Variants in FGFR1 observed in about 807,000 individuals in gnomAD.
FGFR1 encodes FGFR1/PLAG1 fusion.
A neutral mutation model predicts 93.7 loss-of-function variants in FGFR1; 18 were observed. That is an observed-to-expected ratio of 0.19 (90% CI 0.13 to 0.28). FGFR1 has a LOEUF of 0.28. Among genes scored for constraint, FGFR1 ranks in the 10% least tolerant of loss-of-function variants. The pLI is 1.00. For missense variants in FGFR1, 731 were observed against 1,080.4 expected (o/e 0.68, Z 4.53); for synonymous variants, 448 against 429.3 (o/e 1.04, Z -0.54).
At chr8:38,428,243 T>C in intron 4 of FGFR1, 103 bp downstream of exon 4, 1 of 1,458,632 alleles carries the variant, frequency 6.9e-7, no homozygotes, top group South Asian at 1.1e-5. Context: ...ACAGGCACCG[T>C]GACCCCATGT....
In FGFR1 at chr8:38,412,260, G is replaced by A. The variant is rs2150483679; in HGVS notation, c.*1368C>T. ...AGATGGGGTTTCACTAAGTTGGCCA[G>A]GCTGGTCTCAAACTCCTGACCTGAA... On this transcript the variant is annotated 3_prime_UTR_variant, in exon 18 of 18. Transcript: ENST00000447712. 1 of 218,778 alleles carries A rather than the reference G, an allele frequency of 4.6e-6. No individual in the cohort carries two copies. The highest frequency in any genetic ancestry group is 6.7e-5 in the East Asian group (1 of 14,960). The allele number at this position is 218,778 out of a possible 1,614,324, so 13.6% of individuals were successfully genotyped here.
intron 2 of FGFR1, among the ~76,000 whole-genome samples, chr8:38,438,415 C>T (rs930046035): frequency 3.3e-5 from 5 of 151,812 alleles, no homozygotes; most frequent in Admixed American, 2.0e-4. Flanking sequence ...TGGTGATGCA[C>T]GCCTGTAATC....
chr8:38,436,043 G>A (rs1825288459), intron 2 of FGFR1, among the ~76,000 whole-genome samples: 1 of 152,168 alleles, frequency 6.6e-6, no homozygotes, highest in South Asian at 2.1e-4. Flanking sequence ...AAAAAGACTG[G>A]CTGTTCACTA....
chr8:38,420,067 G>A (rs1818160200), intron 8 of FGFR1: 1 of 363,438 alleles, frequency 2.8e-6, no homozygotes, highest in Non-Finnish European at 5.2e-6. Context: ...AGGGCCAGCT[G>A]AGAAGTCACT....
At chr8:38,421,745 C>G (rs771310022) in intron 8 of FGFR1, 52 bp downstream of exon 8, 15 of 1,594,028 alleles carry the variant, frequency 9.4e-6, no homozygotes, top group African/African-American at 1.3e-5. Flanking sequence ...GCATGCTCCC[C>G]CCGTGCCCGT....
At chr8:38,442,392 T>TGTGTGTGTGC (rs1563568222) in intron 2 of FGFR1, among the ~76,000 whole-genome samples, 2 of 151,834 alleles carry the variant, frequency 1.3e-5, no homozygotes, top group Non-Finnish European at 2.9e-5. Flanking sequence ...TGTGTGTGTG[T>TGTGTGTGTGC]GTGCAGGGGT....
chr8:38,433,601 G>C (rs542625957), intron 2 of FGFR1, among the ~76,000 whole-genome samples: 1 of 152,074 alleles, frequency 6.6e-6, no homozygotes, highest in African/African-American at 2.4e-5. Context: ...GGGATTACAG[G>C]TGTGAGCCAC....
Position 38,411,673 on chromosome 8 carries a change from G to A in FGFR1, c.*1955C>T, listed in dbSNP as rs940161714. 1 of 230,502 alleles carries A rather than the reference G, an allele frequency of 4.3e-6. No homozygotes were observed. Among genetic ancestry groups the A allele is most frequent in the Non-Finnish European group, 8.6e-6 (1 of 116,170 alleles). The allele number at this position is 230,502 out of a possible 1,614,324, so 14.3% of individuals were successfully genotyped here. ...TAAGCTTTAATATAGCGACTGAGGA[G>A]TGGTAGTTTGAGCCATGAGGTACGG... is the stretch of plus-strand genomic sequence containing the variant. On this transcript the variant is annotated 3_prime_UTR_variant, in exon 18 of 18. Coordinates refer to ENST00000447712, the MANE Select transcript of FGFR1 (RefSeq NM_023110.3).
chr8:38,428,801 G>A (rs1048111112), intron 3 of FGFR1: 5 of 360,754 alleles, frequency 1.4e-5, no homozygotes, highest in East Asian at 6.7e-5. Flanking sequence ...CTGACTATAG[G>A]GAAACCCAGG....
rs533019010 is a variant in FGFR1 at position 38,413,236 on chromosome 8, C to T, written c.*392G>A. The T allele has an allele frequency of 7.7e-5, 24 of 311,036 alleles. 1 individual carries two copies. In the South Asian group the frequency reaches 1.6e-3, roughly 21 times the overall value. The allele number at this position is 311,036 out of a possible 1,614,324, so 19.3% of individuals were successfully genotyped here. ...GGACAAGGCACCTGCCACCAGAGTG[C>T]GAGGGGCTTATGGGTGAAGGCAAAA... is the stretch of plus-strand genomic sequence containing the variant. On this transcript the variant is annotated 3_prime_UTR_variant, in exon 18 of 18. Transcript: ENST00000447712. The surrounding 1 kb of genome is among the most constrained non-coding windows in gnomAD (Gnocchi z 4.2).
At chr8:38,463,599 G>A (rs1834892676) in intron 1 of FGFR1, among the ~76,000 whole-genome samples, 2 of 152,048 alleles carry the variant, frequency 1.3e-5, no homozygotes, top group African/African-American at 2.4e-5. Context: ...CTGGATGAAT[G>A]AGTAAGTGAA....
At position 38,427,976 on chromosome 8, in the gene FGFR1, C is replaced by T. The variant is rs778166317; in HGVS notation, c.566G>A (p.Arg189His). 73 of 1,614,132 alleles carry T rather than the reference C, an allele frequency of 4.5e-5. No homozygotes were observed. The highest frequency in any genetic ancestry group is 5.3e-5 in the Non-Finnish European group (63 of 1,180,058). The stretch of plus-strand genomic sequence containing the variant: ...GAATTCTTTGCCATTTTTCAACCAG[C>T]GCAGTGTGGGGTTTGGGGTCCCACT... ...PSSGTPNPTL[R>H]WLKNGKEFKP... Residue 189 changes from arginine to histidine, a missense_variant, in exon 5 of 18, where the codon CGC becomes CAC. Coordinates refer to ENST00000447712, the MANE Select transcript of FGFR1 (RefSeq NM_023110.3).
chr8:38,419,952 A>T (rs1195299537), intron 8 of FGFR1: 1 of 578,682 alleles, frequency 1.7e-6, no homozygotes. Flanking sequence ...GCCATGGAAA[A>T]GGGATGGCCT....
intron 15 of FGFR1, 38 bp downstream of exon 15, chr8:38,414,521 A>T (rs2150546815): frequency 6.2e-7 from 1 of 1,610,362 alleles, no homozygotes; most frequent in Non-Finnish European, 8.5e-7. Flanking sequence ...GAAGCTCTCT[A>T]TCCCACACCT....
intron 2 of FGFR1, among the ~76,000 whole-genome samples, chr8:38,444,622 C>T (rs907629837): frequency 1.3e-5 from 2 of 148,458 alleles, no homozygotes; most frequent in Non-Finnish European, 3.0e-5. Context: ...GAACTCCTGA[C>T]GTCAGGTGAT....
chr8:38,452,023 G>A (rs570864050), intron 2 of FGFR1, among the ~76,000 whole-genome samples: 3 of 152,224 alleles, frequency 2.0e-5, no homozygotes, highest in African/African-American at 7.2e-5. Flanking sequence ...ACCAAAGGAG[G>A]GGAAGGAGAG....
chr8:38,466,993 C>G (rs1835710772), intron 1 of FGFR1, among the ~76,000 whole-genome samples: 1 of 151,490 alleles, frequency 6.6e-6, no homozygotes, highest in Admixed American at 6.6e-5. Flanking sequence ...AATTCCTCCG[C>G]AAACATGGGT....
In FGFR1 at chr8:38,446,356, G is replaced by A. The variant is rs1216351903; in HGVS notation, c.91+11000C>T. Among the ~76,000 whole-genome samples the A allele has an allele frequency of 4.0e-5, 6 of 151,886 alleles. No homozygotes were observed. In the East Asian group the frequency reaches 1.2e-3, roughly 29 times the overall value. On this transcript the variant is annotated intron_variant, in intron 2 of 17. Coordinates refer to ENST00000447712, the MANE Select transcript of FGFR1 (RefSeq NM_023110.3). ...CTCCCGAGTACTTGGGATTACAGGC[G>A]CCCGCCACCACACCCGGCTAGTTTT... is the stretch of plus-strand genomic sequence containing the variant.
chr8:38,422,839 A>G, intron 7 of FGFR1: 1 of 577,028 alleles, frequency 1.7e-6, no homozygotes, highest in Non-Finnish European at 3.1e-6. Flanking sequence ...CAGAGAGGGA[A>G]CCCACAGACA....
Sources: gnomAD v4.1 joint callset for allele counts (sites outside exome capture counted in the v4.1 genomes callset) on GRCh38, gnomAD v4.1.1 for gene constraint, Gnocchi (gnomAD v3.1) non-coding constraint, MANE v1.5 for transcripts, NCBI Gene and HGNC (gene_info 2026-07-23, HGNC 2026-07-21) for gene names.